ECHDC2: variants seen among roughly 807,000 people sequenced by gnomAD.
ECHDC2 encodes the protein enoyl-CoA hydratase domain-containing protein 2, mitochondrial.
A neutral mutation model predicts 40.6 loss-of-function variants in ECHDC2; 34 were observed. That is an observed-to-expected ratio of 0.84 (90% CI 0.64 to 1.11). The LOEUF (loss-of-function observed/expected upper bound fraction) is 1.11, where lower values mean the gene tolerates loss of function less well. Ranked by LOEUF, ECHDC2 falls within the 50% of genes most tolerant of loss-of-function variation. The pLI, the probability that ECHDC2 is intolerant of heterozygous loss-of-function variation, is 0.00. For missense variants in ECHDC2, 392 were observed against 400.7 expected, an observed-to-expected ratio of 0.98 and a Z score of 0.19; for synonymous variants, 162 against 166.6, an observed-to-expected ratio of 0.97 and a Z score of 0.21.
Position 52,914,034 on chromosome 1 carries a change from C to A in ECHDC2, c.122-2244G>T. On this transcript the variant is annotated intron_variant, in intron 1 of 9. Coordinates refer to ENST00000371522, the MANE Select transcript of ECHDC2 (RefSeq NM_001198961.2). The surrounding 1 kb of genome is among the most constrained non-coding windows in gnomAD (Gnocchi z 4.0). ...TATATTTGCTGTGTGCTGGCCTCTA[C>A]TAGACACCGTGATTCCAGAGACCAG... 8.5e-7 allele frequency: 1 copy of A among 1,181,016 alleles called. No homozygotes were observed. The highest frequency in any genetic ancestry group is 1.1e-6 in the Non-Finnish European group (1 of 893,150). 73.2% of individuals were successfully genotyped at this position (1,181,016 alleles called of 1,614,324 possible).
rs748519025 is a variant in ECHDC2 at position 52,905,036 on chromosome 1, G to A, written c.512C>T (p.Ala171Val). The change falls in exon 6 of 10, where the codon GCA (alanine) becomes GTA (valine). Residue 171 changes from alanine to valine, a missense_variant and splice_region_variant. By Grantham distance (64) the Ala-to-Val change is moderately conservative (BLOSUM62 0). Transcript: ENST00000371522. ...IETTRGLLPG[A>V]GGTQRLPRCL... Reference sequence around the variant, plus strand: ...GCGGGTGCTGTAGTTGCGATTACCTGCCCCCGGGAGGAGCCCTCGCGTGGT... The same window carrying A: ...GCGGGTGCTGTAGTTGCGATTACCTACCCCCGGGAGGAGCCCTCGCGTGGT... 6.2e-7 allele frequency: 1 copy of A among 1,614,182 alleles called. No individual in the cohort carries two copies. Among genetic ancestry groups the A allele is most frequent in the Non-Finnish European group, 8.5e-7 (1 of 1,180,016 alleles).
chr1:52,920,561 G>A (rs779498444), intron 1 of ECHDC2: 53 of 1,366,856 alleles, frequency 3.9e-5, no homozygotes, highest in Non-Finnish European at 5.5e-5. Flanking sequence ...AGGGGCCCTT[G>A]GCCACAAGTG....
intron 1 of ECHDC2, chr1:52,921,308 G>T (rs56240702): frequency 0.034 from 28,454 of 825,588 alleles, 852 homozygotes; most frequent in African/African-American, 0.12. Flanking sequence ...CACACAGTCG[G>T]AAGACCCCAA....
rs190812084 is a variant in ECHDC2, at chr1:52,918,680, A to G, written c.121+2873T>C. On this transcript the variant is annotated intron_variant, in intron 1 of 9. Coordinates refer to ENST00000371522, the MANE Select transcript of ECHDC2 (RefSeq NM_001198961.2). Reference sequence around the variant, plus strand: ...TGTGTTTTAAGCTGAGTGTTACTACAAAAGAGTCAAAAGTTGAAAAAATTA... The same window carrying G: ...TGTGTTTTAAGCTGAGTGTTACTACGAAAGAGTCAAAAGTTGAAAAAATTA... 3.8e-3 allele frequency among the ~76,000 whole-genome samples: 584 copies of G among 151,740 alleles called. 4 individuals are homozygous for G. The highest frequency in any genetic ancestry group is 6.2e-3 in the Non-Finnish European group (423 of 68,012).
At chr1:52,904,582 C>G (rs1647249726) in intron 7 of ECHDC2, 64 bp downstream of exon 7, 1 of 1,420,376 alleles carries the variant, frequency 7.0e-7, no homozygotes, top group African/African-American at 1.4e-5. Flanking sequence ...AAGGGGACAC[C>G]CTGCCCCACA....
rs1646732239 is a variant in ECHDC2 at position 52,897,792 on chromosome 1, G to A, written c.754-308C>T. 16 of 493,852 alleles carry A rather than the reference G, an allele frequency of 3.2e-5. No homozygotes were observed. In the South Asian group the frequency reaches 3.6e-4, roughly 11 times the overall value. 30.6% of individuals were successfully genotyped at this position (493,852 alleles called of 1,614,324 possible). A position where few individuals can be genotyped will look rare whatever the true frequency, so the allele number is the denominator to read the frequency against. On this transcript the variant is annotated intron_variant, in intron 8 of 9. Transcript: ENST00000371522. ...GCCCTGGCAATTGCTCCAGCCTCTA[G>A]GGCCCACTGACTGGCACTTGAAAGC... is the stretch of plus-strand genomic sequence containing the variant.
At chr1:52,918,349 C>T (rs562941765) in intron 1 of ECHDC2, among the ~76,000 whole-genome samples, 37 of 148,124 alleles carry the variant, frequency 2.5e-4, no homozygotes, top group African/African-American at 8.7e-4. Flanking sequence ...CGTGTGTACT[C>T]CTACTTATTA....
chr1:52,899,821 C>T (rs522287), intron 7 of ECHDC2: 73,261 of 153,048 alleles, frequency 0.48, 18,715 homozygotes, highest in Non-Finnish European at 0.58. Flanking sequence ...TGCAGAGGGG[C>T]GGGTGCATTT....
Position 52,896,145 on chromosome 1 carries a change from C to T in ECHDC2, c.*375G>A, listed in dbSNP as rs963745159. Reference sequence around the variant, plus strand: ...GTTCACAGGAAGAAACTAGGGGTATCTTAAAATCTTCTGACATCTCTAATG... The same window carrying T: ...GTTCACAGGAAGAAACTAGGGGTATTTTAAAATCTTCTGACATCTCTAATG... On this transcript the variant is annotated 3_prime_UTR_variant, in exon 10 of 10. Transcript: ENST00000371522. 9.6e-6 allele frequency: 2 copies of T among 208,302 alleles called. No individual in the cohort carries two copies. The highest frequency in any genetic ancestry group is 2.0e-5 in the Non-Finnish European group (2 of 99,762). The allele number at this position is 208,302 out of a possible 1,614,324, so 12.9% of individuals were successfully genotyped here. A position where few individuals can be genotyped will look rare whatever the true frequency, so the allele number is the denominator to read the frequency against.
chr1:52,912,331 C>T (rs1649741477), intron 1 of ECHDC2: 1 of 155,100 alleles, frequency 6.4e-6, no homozygotes, highest in African/African-American at 2.4e-5. Context: ...CCTCAACCCC[C>T]AAAATAGCTG....
At chr1:52,903,357 C>T (rs1309906276) in intron 7 of ECHDC2, among the ~76,000 whole-genome samples, 2 of 152,050 alleles carry the variant, frequency 1.3e-5, no homozygotes, top group African/African-American at 4.8e-5. Context: ...GCACCGTACC[C>T]AACGTGTAGT....
chr1:52,906,467 C>T, intron 5 of ECHDC2, 52 bp downstream of exon 5: 1 of 1,438,580 alleles, frequency 7.0e-7, no homozygotes, highest in Non-Finnish European at 9.6e-7. Context: ...CCCTGTTTCA[C>T]TCACCCCTGA....
intron 1 of ECHDC2, among the ~76,000 whole-genome samples, chr1:52,916,961 C>T (rs1355034880): frequency 6.6e-5 from 10 of 152,166 alleles, no homozygotes; most frequent in Non-Finnish European, 2.9e-5. Flanking sequence ...TGGTGGCTCA[C>T]GCCTGTAATC....
chr1:52,905,124 C>A, intron 5 of ECHDC2, 34 bp from the exon 6 acceptor site: 1 of 1,610,686 alleles, frequency 6.2e-7, no homozygotes, highest in Non-Finnish European at 8.5e-7. Flanking sequence ...GCCTCCCTCC[C>A]CCATCCGGTC....
intron 4 of ECHDC2, chr1:52,907,586 A>G (rs1648235528): frequency 2.5e-6 from 1 of 399,708 alleles, no homozygotes; most frequent in African/African-American, 2.1e-5. Flanking sequence ...GGTAACAGCA[A>G]TTGTCAAAAC....
chr1:52,898,964 A>C, intron 8 of ECHDC2: 1 of 638,534 alleles, frequency 1.6e-6, no homozygotes, highest in Non-Finnish European at 2.8e-6. Context: ...TCTCCAAGGG[A>C]GAAAGATGAG....
At chr1:52,898,901 C>G (rs1441885927) in intron 8 of ECHDC2, 2 of 525,702 alleles carry the variant, frequency 3.8e-6, no homozygotes, top group Non-Finnish European at 6.9e-6. Flanking sequence ...TACTCACTTC[C>G]TCTGAGACCT....
chr1:52,912,017 G>A (rs1383068094), intron 1 of ECHDC2: 12 of 1,418,718 alleles, frequency 8.5e-6, no homozygotes, highest in Admixed American at 2.9e-5. Context: ...GGAAGGACTT[G>A]TAAACTGTGA....
chr1:52,897,834 T>G, intron 8 of ECHDC2: 1 of 406,582 alleles, frequency 2.5e-6, no homozygotes, highest in South Asian at 2.6e-5. Context: ...CTAAGAGAAG[T>G]ACCATGTGTG....
Sources: allele counts gnomAD v4.1 joint callset (sites outside exome capture counted in the v4.1 genomes callset), GRCh38; gene constraint gnomAD v4.1.1; non-coding constraint Gnocchi (gnomAD v3.1); transcripts MANE v1.5; gene names NCBI Gene and HGNC (gene_info 2026-07-23, HGNC 2026-07-21).